The following ZDHHC8 variants were observed in gnomAD, a reference collection of about 807,000 sequenced individuals.
The protein encoded by ZDHHC8 is palmitoyltransferase ZDHHC8.
Under a neutral mutation model 61.2 loss-of-function variants are expected in ZDHHC8, and 24 were observed. The observed-to-expected ratio is 0.39, with a 90% CI of 0.28 to 0.55. The LOEUF (loss-of-function observed/expected upper bound fraction) is 0.55. Among genes scored for constraint, ZDHHC8 ranks in the 20% least tolerant of loss-of-function variants. The probability of loss-of-function intolerance (pLI) is 0.60; values close to 1 mark genes in which losing one functional copy is unlikely to be tolerated. For synonymous variants in ZDHHC8, 523 were observed against 492.5 expected, an observed-to-expected ratio of 1.06 and a Z score of -0.82; for missense variants, 935 against 1,102.1, an observed-to-expected ratio of 0.85 and a Z score of 2.15.
chr22:20,138,200 G>A (rs2050437813), intron 1 of ZDHHC8, among the ~76,000 whole-genome samples: 1 of 152,254 alleles, frequency 6.6e-6, no homozygotes. Context: ...GCTGCTGTGG[G>A]GGATCCCCAC....
Position 20,146,216 on chromosome 22 carries a change from C to T in ZDHHC8, c.*816C>T. On this transcript the variant is annotated 3_prime_UTR_variant, in exon 11 of 11. Transcript: ENST00000334554. ...TGACACCCAGAGCCCCCTCCCCAGC[C>T]CTCAGGCCCTCCCTGCCAAACTGGA... 1.0e-6 allele frequency: 1 copy of T among 985,590 alleles called. No homozygotes were observed. Among genetic ancestry groups the T allele is most frequent in the South Asian group, 4.7e-5 (1 of 21,288 alleles). The allele number at this position is 985,590 out of a possible 1,614,324, so 61.1% of individuals were successfully genotyped here.
rs1199378213 is a variant in ZDHHC8 at position 20,131,943 on chromosome 22, C to T, written c.-5C>T. On this transcript the variant is annotated 5_prime_UTR_variant, in exon 1 of 11. Coordinates refer to ENST00000334554, the MANE Select transcript of ZDHHC8 (RefSeq NM_013373.4). Reference sequence around the variant, plus strand: ...GGGGAGGGATGCGGCGGCGCGGCGCCCAGGATGCCCCGCAGCCCCGGGACG... The same window carrying T: ...GGGGAGGGATGCGGCGGCGCGGCGCTCAGGATGCCCCGCAGCCCCGGGACG... 8.5e-7 allele frequency: 1 copy of T among 1,177,188 alleles called. No homozygotes were observed. The highest frequency in any genetic ancestry group is 3.6e-5 in the Admixed American group (1 of 27,858). 72.9% of individuals were successfully genotyped at this position (1,177,188 alleles called of 1,614,324 possible).
rs939710267 is a variant in ZDHHC8, at chr22:20,145,813, G to T, written c.*413G>T. 2 of 988,512 alleles carry T rather than the reference G, an allele frequency of 2.0e-6. No individual in the cohort carries two copies. The highest frequency in any genetic ancestry group is 3.5e-5 in the African/African-American group (2 of 57,372). The allele number at this position is 988,512 out of a possible 1,614,324, so 61.2% of individuals were successfully genotyped here. Reference sequence around the variant, plus strand: ...CCAGAGATGGACAGAGGCACCCAGGGCCCCCACCGTCCTTCTGACACAGCC... The same window carrying T: ...CCAGAGATGGACAGAGGCACCCAGGTCCCCCACCGTCCTTCTGACACAGCC... On this transcript the variant is annotated 3_prime_UTR_variant, in exon 11 of 11. Transcript: ENST00000334554.
rs574327387 is a variant in ZDHHC8, at chr22:20,145,417, A to G, written c.*17A>G. ...TCGGTGTGAGGACTGACTGCCACAC[A>G]TCCGCCATGGTGCCACGGGGACCAG... On this transcript the variant is annotated 3_prime_UTR_variant, in exon 11 of 11. Transcript: ENST00000334554. The G allele has an allele frequency of 2.7e-6, 4 of 1,485,792 alleles. No individual in the cohort carries two copies. The South Asian group carries it at 5.2e-5, about 19-fold the overall frequency. 92.0% of individuals were successfully genotyped at this position (1,485,792 alleles called of 1,614,324 possible). A position where few individuals can be genotyped will look rare whatever the true frequency, so the allele number is the denominator to read the frequency against.
chr22:20,138,493 G>A (rs1347096425), intron 1 of ZDHHC8, among the ~76,000 whole-genome samples: 1 of 152,224 alleles, frequency 6.6e-6, no homozygotes, highest in Non-Finnish European at 1.5e-5. Flanking sequence ...ACACCTTATA[G>A]GGAAGCTGCA....
In ZDHHC8 at chr22:20,142,962, T is replaced by A. The variant is rs1254045569; in HGVS notation, c.1332T>A (p.Asp444Glu). ...SLKASSRRGGDHVALQPLRSE... is the reference protein window; with the variant it reads ...SLKASSRRGGEHVALQPLRSE... ...AGGCCTCGAGCCGGCGGGGCGGGGA[T>A]CATGTGGCCCTGCAGCCCCTGCGCT... Residue 444 changes from aspartate to glutamate, a missense_variant, in exon 10 of 11, where the codon GAT becomes GAA. This residue lies in a region of ZDHHC8 where 692 missense variants were observed against 731.4 expected (regional missense o/e 0.95). Coordinates refer to ENST00000334554, the MANE Select transcript of ZDHHC8 (RefSeq NM_013373.4). The A allele has an allele frequency of 3.7e-6, 6 of 1,601,448 alleles. No individual in the cohort carries two copies. Among genetic ancestry groups the A allele is most frequent in the Non-Finnish European group, 4.3e-6 (5 of 1,172,476 alleles).
chr22:20,132,678 C>T (rs1191178872), intron 1 of ZDHHC8, among the ~76,000 whole-genome samples: 2 of 152,248 alleles, frequency 1.3e-5, no homozygotes, highest in Non-Finnish European at 2.9e-5. Context: ...CGTGGGCTGG[C>T]CATGGTGCAC....
At chr22:20,140,489 C>A in intron 5 of ZDHHC8, 128 bp from the exon 6 acceptor site, 3 of 1,046,380 alleles carry the variant, frequency 2.9e-6, no homozygotes, top group Non-Finnish European at 2.7e-6. Context: ...CAGCCCTGGG[C>A]TGATCCCACC....
rs779674497 is a variant in ZDHHC8 at position 20,142,779 on chromosome 22, C to T, written c.1149C>T (p.Thr383=). 3 of 1,612,652 alleles carry T rather than the reference C, an allele frequency of 1.9e-6. No homozygotes were observed. The highest frequency in any genetic ancestry group is 2.5e-6 in the Non-Finnish European group (3 of 1,179,944). The part of the protein sequence containing the change: ...GEQVPGPDSL[T]LGDDSIRSLD... ...AGGTTCCAGGCCCTGATTCCCTGAC[C>T]CTGGGGGACGACAGCATCCGTAGCC... Residue 383 remains threonine (T), a synonymous_variant, in exon 10 of 11, where the codon ACC becomes ACT. Transcript: ENST00000334554.
In ZDHHC8 at chr22:20,142,967, T is replaced by G. The variant is rs1391415390; in HGVS notation, c.1337T>G (p.Val446Gly). The G allele has an allele frequency of 1.2e-6, 2 of 1,602,120 alleles. No homozygotes were observed. The highest frequency in any genetic ancestry group is 1.7e-6 in the Non-Finnish European group (2 of 1,172,838). ...KASSRRGGDH[V>G]ALQPLRSEGG... Reference sequence around the variant, plus strand: ...TCGAGCCGGCGGGGCGGGGATCATGTGGCCCTGCAGCCCCTGCGCTCTGAG... The same window carrying G: ...TCGAGCCGGCGGGGCGGGGATCATGGGGCCCTGCAGCCCCTGCGCTCTGAG... The change falls in exon 10 of 11, where the codon GTG becomes GGG. Residue 446 changes from valine to glycine, a missense_variant. Transcript: ENST00000334554.
rs151053498 is a variant in ZDHHC8 at position 20,139,511 on chromosome 22, G to A, written c.260G>A (p.Arg87Gln). The A allele has an allele frequency of 1.3e-5, 21 of 1,613,498 alleles. No homozygotes were observed. Among genetic ancestry groups the A allele is most frequent in the East Asian group, 2.2e-5 (1 of 44,888 alleles). The change falls in exon 3 of 11, where the codon CGG becomes CAG. Residue 87 changes from arginine (R) to glutamine (Q), a missense_variant. By Grantham distance (43) the Arg-to-Gln change is conservative (BLOSUM62 1). Transcript: ENST00000334554. ...GATGAGGACAAGGAGGACGACTTCC[G>A]GGCTCCGCTGTACAAGAACGTGGAT... ...DEDEDKEDDF[R>Q]APLYKNVDVR...
At chr22:20,145,054 A>G (rs1344589160) in intron 10 of ZDHHC8, among the ~76,000 whole-genome samples, 175 bp from the exon 11 acceptor site, 1 of 152,092 alleles carries the variant, frequency 6.6e-6, no homozygotes, top group African/African-American at 2.4e-5. Context: ...TGCATCCCTC[A>G]CCTGCTTTCC....
At chr22:20,139,144 T>G in intron 1 of ZDHHC8, 50 bp from the exon 2 acceptor site, 1 of 1,588,368 alleles carries the variant, frequency 6.3e-7, no homozygotes, top group South Asian at 1.2e-5. Context: ...TGCGCCTGCA[T>G]CCGCTCTGCA....
At chr22:20,136,380 C>T (rs1000766921) in intron 1 of ZDHHC8, among the ~76,000 whole-genome samples, 2 of 152,362 alleles carry the variant, frequency 1.3e-5, no homozygotes, top group Middle Eastern at 3.4e-3. Flanking sequence ...TCCCCTGTCC[C>T]CATGTGTCCT....
At chr22:20,139,412 T>C (rs2050447529) in intron 2 of ZDHHC8, 66 bp from the exon 3 acceptor site, 1 of 1,604,790 alleles carries the variant, frequency 6.2e-7, no homozygotes, top group South Asian at 1.1e-5. Context: ...TGGGCTGGAC[T>C]TGGGGGAGGG....
In ZDHHC8 at chr22:20,139,593, G is replaced by A. The variant is rs968324305; in HGVS notation, c.342G>A (p.Pro114=). The change falls in exon 3 of 11, where the codon CCG becomes CCA. Residue 114 remains proline, a synonymous_variant. Coordinates refer to ENST00000334554, the MANE Select transcript of ZDHHC8 (RefSeq NM_013373.4). ...KWCATCHFYR[P]PRCSHCSVCD... is the part of the protein sequence containing the mutation. ...GTGCCACGTGCCACTTCTACCGCCC[G>A]CCGCGCTGCTCCCACTGCAGCGTCT... The A allele has an allele frequency of 8.1e-6, 13 of 1,613,026 alleles. No homozygotes were observed. The highest frequency in any genetic ancestry group is 3.3e-5 in the Admixed American group (2 of 60,000).
chr22:20,137,579 C>T (rs1251198900), intron 1 of ZDHHC8, among the ~76,000 whole-genome samples: 1 of 152,256 alleles, frequency 6.6e-6, no homozygotes, highest in Non-Finnish European at 1.5e-5. Context: ...TCTTGAAATT[C>T]TCTGTAATTT....
chr22:20,131,866 C>T lies in ZDHHC8; in HGVS notation c.-82C>T. On this transcript the variant is annotated 5_prime_UTR_variant, in exon 1 of 11. Transcript: ENST00000334554. ...GCCGCGGGTCCTGCGCCGCGTCCAG[C>T]CCGCCCGCCCGACCCCGGCCCGACC... 1.5e-5 allele frequency: 3 copies of T among 200,428 alleles called. No homozygotes were observed. Among genetic ancestry groups the T allele is most frequent in the Non-Finnish European group, 2.6e-5 (3 of 114,940 alleles). 12.4% of individuals were successfully genotyped at this position (200,428 alleles called of 1,614,324 possible).
rs1382820868 is a variant in ZDHHC8 at position 20,143,519 on chromosome 22, C to T, written c.1889C>T (p.Ser630Leu). ...CCTGCCCTGCAGACGTCACTGTCCT[C>T]GCTGTCCAGCTCCGTGAGCCGTGCA... ...RNPALQTSLS[S>L]LSSSVSRAPR... Residue 630 changes from serine (S) to leucine (L), a missense_variant, in exon 10 of 11, where the codon TCG (serine) becomes TTG (leucine). This residue lies in a region of ZDHHC8 where 692 missense variants were observed against 731.4 expected (regional missense o/e 0.95). Coordinates refer to ENST00000334554, the MANE Select transcript of ZDHHC8 (RefSeq NM_013373.4). 6 of 1,599,976 alleles carry T rather than the reference C, an allele frequency of 3.8e-6. No homozygotes were observed. Among genetic ancestry groups the T allele is most frequent in the South Asian group, 1.1e-5 (1 of 90,564 alleles).
Sources: allele counts gnomAD v4.1 joint callset (sites outside exome capture counted in the v4.1 genomes callset), GRCh38; gene constraint gnomAD v4.1.1; regional missense constraint gnomAD v4.1.1; transcripts MANE v1.5; gene names NCBI Gene and HGNC (gene_info 2026-07-23, HGNC 2026-07-21).